The following ME3 variants were observed in gnomAD, a reference collection of about 807,000 sequenced individuals.
The protein encoded by ME3 is NADP-dependent malic enzyme, mitochondrial.
In ME3, 48 loss-of-function variants were observed where a neutral mutation model predicts 68.9. That is an observed-to-expected ratio of 0.70 (90% confidence interval 0.55 to 0.89). The LOEUF is 0.89. ME3 is among the 40% of genes least tolerant of loss of function. The pLI is 0.00. For missense variants in ME3, 675 were observed against 797.4 expected (o/e 0.85, Z 1.85); for synonymous variants, 320 against 318.8 (o/e 1.00, Z -0.04).
intron 4 of ME3, among the ~76,000 whole-genome samples, chr11:86,534,398 G>A (rs2139297662): frequency 6.6e-6 from 1 of 152,068 alleles, no homozygotes; most frequent in Non-Finnish European, 1.5e-5. Flanking sequence ...GCTTAGGCTG[G>A]GCGAGGTGGC....
chr11:86,530,274 A>G (rs1310375895), intron 4 of ME3, among the ~76,000 whole-genome samples: 1 of 152,204 alleles, frequency 6.6e-6, no homozygotes, highest in African/African-American at 2.4e-5. Flanking sequence ...TAAAATACCT[A>G]GGAATCCAAC....
At chr11:86,500,966 T>C (rs1426945066) in intron 5 of ME3, among the ~76,000 whole-genome samples, 1 of 152,178 alleles carries the variant, frequency 6.6e-6, no homozygotes, top group Non-Finnish European at 1.5e-5. Context: ...CAAGGTGTTA[T>C]TTAAACCTTT....
At chr11:86,519,599 C>T (rs1954121482) in intron 4 of ME3, among the ~76,000 whole-genome samples, 1 of 152,220 alleles carries the variant, frequency 6.6e-6, no homozygotes. Context: ...GAGGGATATG[C>T]ACTTTCAACT....
At chr11:86,668,267 G>A (rs1335712942) in intron 2 of ME3, 2 of 151,966 alleles carry the variant, frequency 1.3e-5, no homozygotes, top group African/African-American at 4.8e-5. Context: ...AATGTTGGAT[G>A]AGAACAATTA....
chr11:86,612,612 G>C (rs568636201), intron 2 of ME3, among the ~76,000 whole-genome samples: 2 of 152,140 alleles, frequency 1.3e-5, no homozygotes, highest in African/African-American at 4.8e-5. Flanking sequence ...ATTCTGACTG[G>C]TGCGAGATGG....
chr11:86,656,858 A>AG (rs936584745), intron 2 of ME3, among the ~76,000 whole-genome samples: 8 of 47,862 alleles, frequency 1.7e-4, no homozygotes, highest in South Asian at 6.6e-4. Context: ...TAAACATATG[A>AG]AAAAAAAAAA....
chr11:86,655,776 C>A (rs2135460053), intron 2 of ME3, among the ~76,000 whole-genome samples: 2 of 151,514 alleles, frequency 1.3e-5, no homozygotes, highest in African/African-American at 4.8e-5. Flanking sequence ...AGAGCTTCTG[C>A]ACAGCAAAAG....
At chr11:86,526,304 G>T (rs1046092757) in intron 4 of ME3, among the ~76,000 whole-genome samples, 4 of 152,232 alleles carry the variant, frequency 2.6e-5, no homozygotes, top group Non-Finnish European at 5.9e-5. Context: ...ACTGCAAGGT[G>T]GCAGCGAGGC....
chr11:86,542,584 G>A (rs1318063100), intron 4 of ME3, among the ~76,000 whole-genome samples: 1 of 152,176 alleles, frequency 6.6e-6, no homozygotes, highest in Admixed American at 6.5e-5. Context: ...ATGAAATAAA[G>A]CGTGAAGACA....
downstream of ME3, among the ~76,000 whole-genome samples, chr11:86,437,830 T>C (rs1948905954): frequency 6.7e-6 from 1 of 149,616 alleles, no homozygotes; most frequent in South Asian, 2.2e-4. Context: ...TTAGTTCCAG[T>C]AGACAGAGAG....
chr11:86,446,365 G>A (rs1411136911), exon 13 of ME3: 3 of 1,614,166 alleles, frequency 1.9e-6, no homozygotes, highest in East Asian at 2.2e-5. Flanking sequence ...TCCCGCCGGC[G>A]ATGACTCCCA....
intron 4 of ME3, among the ~76,000 whole-genome samples, chr11:86,555,641 T>C (rs12797615): frequency 0.23 from 34,390 of 152,150 alleles, 4,692 homozygotes; most frequent in Non-Finnish European, 0.31. Flanking sequence ...GGACTGGCAT[T>C]GGGAACACAC....
At chr11:86,612,817 T>A (rs748699673) in intron 2 of ME3, among the ~76,000 whole-genome samples, 2 of 152,258 alleles carry the variant, frequency 1.3e-5, no homozygotes, top group African/African-American at 4.8e-5. Flanking sequence ...TAGACCTTTG[T>A]CAGATGGATA....
chr11:86,526,010 A>G (rs1302596423), intron 4 of ME3, among the ~76,000 whole-genome samples: 1 of 152,228 alleles, frequency 6.6e-6, no homozygotes, highest in African/African-American at 2.4e-5. Flanking sequence ...GGGGAGTGTC[A>G]GAAAGTGGAT....
chr11:86,442,465 A>T (rs559661706), intron 14 of ME3, among the ~76,000 whole-genome samples: 1 of 152,222 alleles, frequency 6.6e-6, no homozygotes, highest in African/African-American at 2.4e-5. Context: ...GAGAGCTGGG[A>T]CCCCAAAGCC....
At chr11:86,536,019 G>A (rs1955627271) in intron 4 of ME3, among the ~76,000 whole-genome samples, 1 of 152,160 alleles carries the variant, frequency 6.6e-6, no homozygotes, top group South Asian at 2.1e-4. Flanking sequence ...AGCAGAAAGA[G>A]TCCTGGAGGC....
intron 6 of ME3, among the ~76,000 whole-genome samples, chr11:86,494,537 G>C (rs995947261): frequency 5.3e-5 from 8 of 152,140 alleles, no homozygotes; most frequent in African/African-American, 9.7e-5. Flanking sequence ...TAGGAGGGCA[G>C]ATCAGGGCAT....
downstream of ME3, chr11:86,436,830 G>C (rs1948900035): frequency 6.6e-6 from 1 of 152,052 alleles, no homozygotes; most frequent in Non-Finnish European, 1.5e-5. Context: ...GATTAAATTA[G>C]TAAATTTGAT....
chr11:86,586,223 A>G (rs1958725918), intron 2 of ME3, among the ~76,000 whole-genome samples: 1 of 152,158 alleles, frequency 6.6e-6, no homozygotes. Context: ...TGTTGTCAGG[A>G]AAAGTGGGAA....
Sources: gnomAD v4.1 joint callset for allele counts (sites outside exome capture counted in the v4.1 genomes callset) on GRCh38, gnomAD v4.1.1 for gene constraint, MANE v1.5 for transcripts, NCBI Gene and HGNC (gene_info 2026-07-23, HGNC 2026-07-21) for gene names.